The following CCDC70 variants were observed in gnomAD, a reference collection of about 807,000 sequenced individuals.
CCDC70 encodes the protein coiled-coil domain containing 70.
In CCDC70, 4 loss-of-function variants were observed where a neutral mutation model predicts 9.1. The ratio of observed to expected loss-of-function variants is 0.44; its 90% CI spans 0.22 to 1.00. The LOEUF (loss-of-function observed/expected upper bound fraction) is 1.00, where lower values mean the gene tolerates loss of function less well. CCDC70 is among the 50% of genes least tolerant of loss of function. CCDC70 has a pLI of 0.25. For synonymous variants in CCDC70, 119 were observed against 94.0 expected (o/e 1.27, Z -1.54); for missense variants, 308 against 271.3 (o/e 1.14, Z -0.95).
rs187581292 is a variant in CCDC70, at chr13:51,865,905, C to T, written c.494C>T (p.Ala165Val). ...EERALLEGEK[A>V]LWEDKTSLWE... is the part of the protein sequence containing the mutation. Reference sequence around the variant, plus strand: ...AGAGCCCTCCTTGAGGGGGAGAAAGCCCTGTGGGAAGATAAAACGTCCCTC... The same window carrying T: ...AGAGCCCTCCTTGAGGGGGAGAAAGTCCTGTGGGAAGATAAAACGTCCCTC... The change falls in exon 2 of 2, where the codon GCC becomes GTC. Residue 165 changes from alanine (A) to valine (V), a missense_variant. Coordinates refer to ENST00000242819, the MANE Select transcript of CCDC70 (RefSeq NM_031290.4). 1 of 1,613,926 alleles carries T rather than the reference C, an allele frequency of 6.2e-7. No homozygotes were observed. Among genetic ancestry groups the T allele is most frequent in the East Asian group, 2.2e-5 (1 of 44,870 alleles).
chr13:51,862,287 T>A (rs960557258), intron 1 of CCDC70, 58 bp downstream of exon 1: 2 of 152,194 alleles, frequency 1.3e-5, no homozygotes, highest in African/African-American at 2.4e-5. Flanking sequence ...AGGTAATATA[T>A]AATATTTTCC....
chr13:51,862,330 T>C (rs1956388678), intron 1 of CCDC70, 101 bp downstream of exon 1: 1 of 152,254 alleles, frequency 6.6e-6, no homozygotes, highest in Non-Finnish European at 1.5e-5. Flanking sequence ...ACAGTATAAC[T>C]GAAAACTGGG....
At chr13:51,863,175 T>C (rs1177252174) in intron 1 of CCDC70, among the ~76,000 whole-genome samples, 3 of 152,170 alleles carry the variant, frequency 2.0e-5, no homozygotes, top group African/African-American at 7.2e-5. Flanking sequence ...TGCCAAGAGC[T>C]GAATAGAGCC....
At chr13:51,863,672 G>C (rs61957393) in intron 1 of CCDC70, among the ~76,000 whole-genome samples, 28 of 134,378 alleles carry the variant, frequency 2.1e-4, no homozygotes, top group African/African-American at 5.7e-4. Flanking sequence ...CGCGCACACA[G>C]ACACACACAC....
In CCDC70 at chr13:51,865,500, T is replaced by G; in HGVS notation, c.89T>G (p.Leu30Arg). 6.2e-7 allele frequency: 1 copy of G among 1,614,190 alleles called. No individual in the cohort carries two copies. The highest frequency in any genetic ancestry group is 8.5e-7 in the Non-Finnish European group (1 of 1,180,032). Residue 30 changes from leucine (L) to arginine (R), a missense_variant, in exon 2 of 2, where the codon CTA (leucine) becomes CGA (arginine). Coordinates refer to ENST00000242819, the MANE Select transcript of CCDC70 (RefSeq NM_031290.4). ...ASSPSIRQKK[L>R]MHKLQEEKAF... ...TCTCCCAGTATTCGCCAGAAGAAAC[T>G]AATGCACAAGCTGCAGGAGGAAAAG...
rs138079113 is a variant in CCDC70 at position 51,863,106 on chromosome 13, G to A, written c.-81+877G>A. Among the ~76,000 whole-genome samples, 671 of 152,362 alleles carry A rather than the reference G, an allele frequency of 4.4e-3. 3 individuals are homozygous for A. Among genetic ancestry groups the A allele is most frequent in the African/African-American group, 0.015 (639 of 41,588 alleles). ...CAAGCCCACCACAGGAACAAAAGGG[G>A]CTCTCAGTAGAGGATGCGACATGTG... is the stretch of plus-strand genomic sequence containing the variant. On this transcript the variant is annotated intron_variant, in intron 1 of 1. Coordinates refer to ENST00000242819, the MANE Select transcript of CCDC70 (RefSeq NM_031290.4).
At chr13:51,863,704 CA>C (rs1566370172) in intron 1 of CCDC70, among the ~76,000 whole-genome samples, 17 of 133,550 alleles carry the variant, frequency 1.3e-4, no homozygotes, top group African/African-American at 4.2e-4. Context: ...CACACACACA[CA>C]CACACCAGCT....
chr13:51,865,538 G>C lies in CCDC70; in HGVS notation c.127G>C (p.Glu43Gln). ...KLQEEKAFRE[E>Q]MKIFREKIED... ...GCAGGAGGAAAAGGCTTTTCGCGAA[G>C]AGATGAAAATTTTTCGTGAAAAAAT... Residue 43 changes from glutamate to glutamine, a missense_variant, in exon 2 of 2, where the codon GAG (glutamate) becomes CAG (glutamine). Glu to Gln is a conservative substitution (Grantham distance 29). Coordinates refer to ENST00000242819, the MANE Select transcript of CCDC70 (RefSeq NM_031290.4). The C allele has an allele frequency of 2.5e-6, 4 of 1,614,236 alleles. No homozygotes were observed. Among genetic ancestry groups the C allele is most frequent in the Non-Finnish European group, 3.4e-6 (4 of 1,180,036 alleles).
In CCDC70 at chr13:51,865,763, T is replaced by C. The variant is rs759639507; in HGVS notation, c.352T>C (p.Trp118Arg). 1 of 1,614,156 alleles carries C rather than the reference T, an allele frequency of 6.2e-7. No homozygotes were observed. The highest frequency in any genetic ancestry group is 1.7e-5 in the Admixed American group (1 of 60,026). The change falls in exon 2 of 2, where the codon TGG becomes CGG. Residue 118 changes from tryptophan to arginine, a missense_variant. Coordinates refer to ENST00000242819, the MANE Select transcript of CCDC70 (RefSeq NM_031290.4). ...KTFWKKYRTF[W>R]KEDKAFWKED... Reference sequence around the variant, plus strand: ...TTTCTGGAAAAAGTACCGCACTTTCTGGAAGGAGGATAAGGCCTTCTGGAA... The same window carrying C: ...TTTCTGGAAAAAGTACCGCACTTTCCGGAAGGAGGATAAGGCCTTCTGGAA...
At chr13:51,863,113 G>A (rs1956393590) in intron 1 of CCDC70, among the ~76,000 whole-genome samples, 1 of 152,264 alleles carries the variant, frequency 6.6e-6, no homozygotes, top group Non-Finnish European at 1.5e-5. Context: ...GGGGCTCTCA[G>A]TAGAGGATGC....
At chr13:51,863,801 T>C (rs918866790) in intron 1 of CCDC70, among the ~76,000 whole-genome samples, 27 of 151,896 alleles carry the variant, frequency 1.8e-4, no homozygotes, top group African/African-American at 6.5e-4. Context: ...CCCCAATAGG[T>C]CTCACGGATG....
chr13:51,865,255 A>G (rs1956410886), intron 1 of CCDC70, 77 bp from the exon 2 acceptor site: 3 of 694,604 alleles, frequency 4.3e-6, no homozygotes, highest in Non-Finnish European at 7.0e-6. Context: ...CATTTTCTCA[A>G]ATTCAGTAGT....
intron 1 of CCDC70, among the ~76,000 whole-genome samples, chr13:51,864,146 T>C (rs1956402745): frequency 6.6e-6 from 1 of 151,648 alleles, no homozygotes. Context: ...CTTTTCCTTC[T>C]TTCTTCCTCC....
At chr13:51,864,797 C>T (rs918031753) in intron 1 of CCDC70, among the ~76,000 whole-genome samples, 1 of 152,154 alleles carries the variant, frequency 6.6e-6, no homozygotes, top group Non-Finnish European at 1.5e-5. Flanking sequence ...GGTCCATGTC[C>T]CTGGAAACAT....
At chr13:51,864,006 A>G (rs1310119532) in intron 1 of CCDC70, among the ~76,000 whole-genome samples, 1 of 152,102 alleles carries the variant, frequency 6.6e-6, no homozygotes, top group African/African-American at 2.4e-5. Context: ...AGTTACAGGG[A>G]TTGCTATGGA....
chr13:51,866,165 TACAC>T lies in CCDC70; in HGVS notation c.*88_*91del, dbSNP rs1029726134. ...GGGTGAGCCCATGTGCTGGAGAAAA[TACAC>T]ACTCATTGGTCTCCTTGCTTTGAAA... On this transcript the variant is annotated 3_prime_UTR_variant, in exon 2 of 2. Transcript: ENST00000242819. 17 of 1,109,484 alleles carry T rather than the reference TACAC, an allele frequency of 1.5e-5. No homozygotes were observed. Among genetic ancestry groups the T allele is most frequent in the Non-Finnish European group, 2.0e-5 (16 of 791,942 alleles). The allele number at this position is 1,109,484 out of a possible 1,614,324, so 68.7% of individuals were successfully genotyped here.
At position 51,865,400 on chromosome 13, in the gene CCDC70, C is replaced by A; in HGVS notation, c.-12C>A. On this transcript the variant is annotated 5_prime_UTR_variant, in exon 2 of 2. The change creates a new upstream start codon in the 5' untranslated region. Transcript: ENST00000242819. ...CCTCATGGCCACCCCGCCATTCCGG[C>A]TGATAAGGAAGATGTTTTCCTTCAA... 1 of 1,600,942 alleles carries A rather than the reference C, an allele frequency of 6.2e-7. No homozygotes were observed.
chr13:51,865,894 G>A lies in CCDC70; in HGVS notation c.483G>A (p.Glu161=), dbSNP rs183505529. The A allele has an allele frequency of 5.1e-5, 83 of 1,613,746 alleles. 1 individual carries two copies. In the East Asian group the frequency reaches 9.4e-4, roughly 18 times the overall value. The change falls in exon 2 of 2, where the codon GAG becomes GAA. Residue 161 remains glutamate (E), a synonymous_variant. Transcript: ENST00000242819. ...ALWVEERALL[E]GEKALWEDKT... ...GGGTAGAGGAAAGAGCCCTCCTTGA[G>A]GGGGAGAAAGCCCTGTGGGAAGATA...
In CCDC70 at chr13:51,865,805, T is replaced by C. The variant is rs748033456; in HGVS notation, c.394T>C (p.Trp132Arg). Residue 132 changes from tryptophan (W) to arginine (R), a missense_variant, in exon 2 of 2, where the codon TGG (tryptophan) becomes CGG (arginine). Physicochemically the swap from Trp to Arg is moderately radical, Grantham distance 101. Coordinates refer to ENST00000242819, the MANE Select transcript of CCDC70 (RefSeq NM_031290.4). ...CTTCTGGAAAGAGGACAATGCCTTATGGGAAAGAGACCGGAACCTTCTTCA... is the reference window on the plus strand; with the variant it reads ...CTTCTGGAAAGAGGACAATGCCTTACGGGAAAGAGACCGGAACCTTCTTCA... Reference protein sequence around the residue: ...KAFWKEDNALWERDRNLLQED... With the variant: ...KAFWKEDNALRERDRNLLQED... 6.2e-6 allele frequency: 10 copies of C among 1,614,090 alleles called. No individual in the cohort carries two copies. Among genetic ancestry groups the C allele is most frequent in the East Asian group, 4.5e-5 (2 of 44,880 alleles).
Sources: gnomAD v4.1 joint callset for allele counts (sites outside exome capture counted in the v4.1 genomes callset) on GRCh38, gnomAD v4.1.1 for gene constraint, MANE v1.5 for transcripts, NCBI Gene and HGNC (gene_info 2026-07-23, HGNC 2026-07-21) for gene names.